The following CACNA1E variants were observed in gnomAD, a reference collection of about 807,000 sequenced individuals.
CACNA1E encodes calcium voltage-gated channel subunit alpha1 E, also known as voltage-dependent R-type calcium channel subunit alpha-1E.
A neutral mutation model predicts 259.2 loss-of-function variants in CACNA1E; 40 were observed. That is an observed-to-expected ratio of 0.15 (90% CI 0.12 to 0.20). The LOEUF is 0.20. CACNA1E is among the 10% of genes least tolerant of loss of function. The pLI, the probability that CACNA1E is intolerant of heterozygous loss-of-function variation, is 1.00. For missense variants in CACNA1E, 1,874 were observed against 3,040.1 expected (o/e 0.62, Z 9.02); for synonymous variants, 1,104 against 1,138.5 (o/e 0.97, Z 0.61).
intron 2 of CACNA1E, among the ~76,000 whole-genome samples, chr1:181,470,353 T>A (rs568060038): frequency 2.6e-5 from 4 of 152,200 alleles, no homozygotes; most frequent in African/African-American, 9.6e-5. Context: ...AACACTTGGC[T>A]AATTTATTTT....
At chr1:181,768,173 C>G (rs1446589447) in intron 35 of CACNA1E, among the ~76,000 whole-genome samples, 3 of 152,180 alleles carry the variant, frequency 2.0e-5, no homozygotes, top group Non-Finnish European at 4.4e-5. Flanking sequence ...ATAAAATAAA[C>G]TAGAATAACA....
chr1:181,577,454 G>A (rs114518619), intron 3 of CACNA1E, among the ~76,000 whole-genome samples: 1 of 152,330 alleles, frequency 6.6e-6, no homozygotes, highest in African/African-American at 2.4e-5. Context: ...ACAGGGCAGA[G>A]AGGAGAAAGG....
At chr1:181,682,572 A>G (rs577182345) in intron 7 of CACNA1E, among the ~76,000 whole-genome samples, 22 of 152,286 alleles carry the variant, frequency 1.4e-4, no homozygotes, top group South Asian at 4.1e-4. Context: ...ATAAAAAAAT[A>G]CCCGAGACTG....
chr1:181,639,667 T>C (rs1428493415), intron 6 of CACNA1E, among the ~76,000 whole-genome samples: 1 of 152,216 alleles, frequency 6.6e-6, no homozygotes, highest in African/African-American at 2.4e-5. Flanking sequence ...AAAGGGATTC[T>C]TTCCGATGTT....
chr1:181,514,704 G>A (rs911772209), intron 3 of CACNA1E, among the ~76,000 whole-genome samples: 2 of 152,054 alleles, frequency 1.3e-5, no homozygotes, highest in Admixed American at 6.5e-5. Flanking sequence ...CTCAGCTCTC[G>A]GTGCTGACAG....
At chr1:181,686,004 A>C (rs1650496896) in intron 7 of CACNA1E, among the ~76,000 whole-genome samples, 1 of 152,120 alleles carries the variant, frequency 6.6e-6, no homozygotes, top group Admixed American at 6.6e-5. Flanking sequence ...AGCACTTTGC[A>C]GTTAAAATGA....
chr1:181,641,509 A>G (rs1479471161), intron 6 of CACNA1E, among the ~76,000 whole-genome samples: 1 of 143,218 alleles, frequency 7.0e-6, no homozygotes, highest in Non-Finnish European at 1.5e-5. Context: ...TCCACCTTCC[A>G]CTTCATGTCT....
intron 32 of CACNA1E, among the ~76,000 whole-genome samples, chr1:181,761,430 C>T (rs1411224920): frequency 2.0e-5 from 3 of 152,194 alleles, no homozygotes; most frequent in Non-Finnish European, 2.9e-5. Context: ...AAAGGCCTGG[C>T]CTAGTGTCTG....
intron 1 of CACNA1E, among the ~76,000 whole-genome samples, chr1:181,346,333 G>C (rs906123276): frequency 2.6e-5 from 4 of 152,194 alleles, no homozygotes; most frequent in African/African-American, 4.8e-5. Flanking sequence ...ACCATGTAAA[G>C]TGCCATTTGT....
chr1:181,435,700 C>T (rs939564217), intron 2 of CACNA1E, among the ~76,000 whole-genome samples: 4 of 152,166 alleles, frequency 2.6e-5, no homozygotes, highest in African/African-American at 7.2e-5. Flanking sequence ...TGAATGAATG[C>T]ATCCGCCTAC....
At position 181,600,261 on chromosome 1, in the gene CACNA1E, G is replaced by A. The variant is rs1190765022; in HGVS notation, c.951+19485G>A. On this transcript the variant is annotated intron_variant, in intron 6 of 47. Coordinates refer to ENST00000367573, the MANE Select transcript of CACNA1E (RefSeq NM_001205293.3). ...GAGGCTTGAGCACTCTGAGGGGCAA[G>A]AGGTCAGAGAGAGGGTCAGGGCCAG... Among the ~76,000 whole-genome samples, 2 of 152,226 alleles carry A rather than the reference G, an allele frequency of 1.3e-5. 1 individual carries two copies. Among genetic ancestry groups the A allele is most frequent in the East Asian group, 3.8e-4 (2 of 5,198 alleles).
intron 1 of CACNA1E, among the ~76,000 whole-genome samples, chr1:181,401,717 C>A (rs1293645433): frequency 2.6e-5 from 4 of 152,204 alleles, no homozygotes; most frequent in African/African-American, 9.7e-5. Context: ...GTGAAAACTG[C>A]ACGGATTTTT....
chr1:181,329,685 CT>C (rs1651087854), intron 1 of CACNA1E, among the ~76,000 whole-genome samples: 1 of 152,230 alleles, frequency 6.6e-6, no homozygotes, highest in Non-Finnish European at 1.5e-5. Flanking sequence ...TCACAGACAA[CT>C]GCCACCCCTC....
At chr1:181,518,976 C>T (rs1034685698) in intron 3 of CACNA1E, among the ~76,000 whole-genome samples, 6 of 152,156 alleles carry the variant, frequency 3.9e-5, no homozygotes, top group African/African-American at 1.4e-4. Context: ...CCTGGCATTG[C>T]ATTCACTCAG....
intron 6 of CACNA1E, among the ~76,000 whole-genome samples, chr1:181,596,779 A>G (rs1439838140): frequency 6.6e-6 from 1 of 152,192 alleles, no homozygotes; most frequent in Admixed American, 6.5e-5. Context: ...GATAAAGTAG[A>G]AAGAACAAGA....
At chr1:181,326,987 G>C (rs568716110) in intron 1 of CACNA1E, among the ~76,000 whole-genome samples, 1 of 152,188 alleles carries the variant, frequency 6.6e-6, no homozygotes, top group East Asian at 1.9e-4. Context: ...ATCCCTTTGG[G>C]CTGTCCTGGG....
intron 7 of CACNA1E, among the ~76,000 whole-genome samples, chr1:181,709,839 A>C (rs965632402): frequency 6.6e-6 from 1 of 152,136 alleles, no homozygotes; most frequent in Non-Finnish European, 1.5e-5. Flanking sequence ...ACAGCTTCCC[A>C]GGTAGTAGGA....
chr1:181,675,777 C>G (rs1028610148), intron 7 of CACNA1E, among the ~76,000 whole-genome samples: 1 of 152,264 alleles, frequency 6.6e-6, no homozygotes, highest in African/African-American at 2.4e-5. Flanking sequence ...CTGACCTGGG[C>G]AGAGCCTGCG....
intron 1 of CACNA1E, among the ~76,000 whole-genome samples, chr1:181,389,613 C>T (rs1328574601): frequency 2.6e-5 from 4 of 152,202 alleles, no homozygotes; most frequent in South Asian, 4.1e-4. Flanking sequence ...TTCTTGCATG[C>T]GTGTGTCGCA....
Sources: gnomAD v4.1 joint callset for allele counts (sites outside exome capture counted in the v4.1 genomes callset) on GRCh38, gnomAD v4.1.1 for gene constraint, MANE v1.5 for transcripts, NCBI Gene and HGNC (gene_info 2026-07-23, HGNC 2026-07-21) for gene names.